The following PLEKHA5 variants were observed in gnomAD, a reference collection of about 807,000 sequenced individuals.
PLEKHA5 encodes pleckstrin homology domain containing A5.
A neutral mutation model predicts 181.9 loss-of-function variants in PLEKHA5; 55 were observed. The ratio of observed to expected loss-of-function variants is 0.30; its 90% confidence interval spans 0.24 to 0.38. PLEKHA5 has a LOEUF of 0.38. Among genes scored for constraint, PLEKHA5 ranks in the 10% least tolerant of loss-of-function variants. The pLI is 1.00. For synonymous variants in PLEKHA5, 535 were observed against 529.4 expected (o/e 1.01, Z -0.15); for missense variants, 1,432 against 1,549.5 (o/e 0.92, Z 1.27).
intron 20 of PLEKHA5, among the ~76,000 whole-genome samples, chr12:19,331,383 T>C (rs567390706): frequency 2.0e-5 from 3 of 152,284 alleles, no homozygotes; most frequent in African/African-American, 7.2e-5. Context: ...TAGAATTTTT[T>C]TGTAGAGATG....
chr12:19,324,802 G>C lies in PLEKHA5; in HGVS notation c.2448+2135G>C, dbSNP rs2091722101. On this transcript the variant is annotated intron_variant, in intron 20 of 31. Coordinates refer to ENST00000429027, the MANE Select transcript of PLEKHA5 (RefSeq NM_001256470.2). ...TGACTGGGATAGAGGATTCCTGTGA[G>C]AGGATAGAAAATGTGAGATTAGAAA... Among the ~76,000 whole-genome samples the C allele has an allele frequency of 2.0e-5, 3 of 152,216 alleles. No homozygotes were observed. In the South Asian group the frequency reaches 6.2e-4, roughly 31 times the overall value.
At position 19,359,550 on chromosome 12, in the gene PLEKHA5, G is replaced by T; in HGVS notation, c.3483+4G>T. 6.2e-7 allele frequency: 1 copy of T among 1,613,202 alleles called. No homozygotes were observed. The highest frequency in any genetic ancestry group is 8.5e-7 in the Non-Finnish European group (1 of 1,179,440). ...AAATGTGGACTTCAGCAAAGAGGTAGCGAGATTATTTTATGAAAGGTATTC... is the reference window on the plus strand; with the variant it reads ...AAATGTGGACTTCAGCAAAGAGGTATCGAGATTATTTTATGAAAGGTATTC... On this transcript the variant is annotated splice_donor_region_variant and intron_variant, in intron 28 of 31. Transcript: ENST00000429027.
Position 19,358,219 on chromosome 12 carries a change from A to ATG in PLEKHA5, c.3139-9_3139-8insTG. On this transcript the variant is annotated splice_polypyrimidine_tract_variant and intron_variant, in intron 26 of 31. Transcript: ENST00000429027. ...TTTATGTATTGATATGTTCATTTTT[A>ATG]CATTGAAGGAAAGACCAAGAAGTGC... is the stretch of plus-strand genomic sequence containing the variant. The ATG allele has an allele frequency of 1.3e-6, 2 of 1,593,906 alleles. No homozygotes were observed. The highest frequency in any genetic ancestry group is 1.7e-6 in the Non-Finnish European group (2 of 1,163,166).
chr12:19,333,379 A>G (rs1382156914), intron 20 of PLEKHA5, among the ~76,000 whole-genome samples: 1 of 151,714 alleles, frequency 6.6e-6, no homozygotes, highest in Non-Finnish European at 1.5e-5. Context: ...GGAGATTAAG[A>G]CCATCCTGGC....
In PLEKHA5 at chr12:19,314,844, G is replaced by A. The variant is rs996049829; in HGVS notation, c.2068G>A (p.Val690Ile). 1.3e-6 allele frequency: 2 copies of A among 1,548,058 alleles called. No homozygotes were observed. The highest frequency in any genetic ancestry group is 3.9e-5 in the Admixed American group (2 of 50,946). Residue 690 changes from valine (V) to isoleucine (I), a missense_variant, in exon 16 of 32, where the codon GTT becomes ATT. By Grantham distance (29) the Val-to-Ile change is conservative. Around this residue, in one of 2 missense-constraint regions of PLEKHA5, gnomAD observed 1,143 missense variants for 1,168.4 expected, o/e 0.98. Transcript: ENST00000429027. Reference sequence around the variant, plus strand: ...AGAAAATGAACCTATTATCACCATGGTTCACACAATGATTGAGAACTCGGC... The same window carrying A: ...AGAAAATGAACCTATTATCACCATGATTCACACAATGATTGAGAACTCGGC... ...MKENEPIITMVHTMIENSALR... is the reference protein window; with the variant it reads ...MKENEPIITMIHTMIENSALR...
At chr12:19,188,085 G>GA (rs1405584453) in intron 3 of PLEKHA5, among the ~76,000 whole-genome samples, 2 of 152,122 alleles carry the variant, frequency 1.3e-5, no homozygotes, top group Non-Finnish European at 2.9e-5. Context: ...AGGTCATTAT[G>GA]AAAAATAGAA....
At chr12:19,305,232 T>C (rs1053674400) in intron 15 of PLEKHA5, among the ~76,000 whole-genome samples, 12 of 152,142 alleles carry the variant, frequency 7.9e-5, no homozygotes, top group Admixed American at 6.5e-4. Flanking sequence ...TAATTACATA[T>C]AATTCAGTGG....
At position 19,269,868 on chromosome 12, in the gene PLEKHA5, G is replaced by T. The variant is rs1381261402; in HGVS notation, c.810G>T (p.Gln270His). The T allele has an allele frequency of 1.3e-6, 2 of 1,572,356 alleles. No individual in the cohort carries two copies. The highest frequency in any genetic ancestry group is 2.2e-5 in the East Asian group (1 of 44,620). ...CCATGTTAGATGCTGCCCTAGTACA[G>T]ACAGAACCTGTGAAAAGGTAAAGGC... ...MKAMLDAALV[Q>H]TEPVKRITFN... The change falls in exon 9 of 32, where the codon CAG becomes CAT. Residue 270 changes from glutamine (Q) to histidine (H), a missense_variant. Transcript: ENST00000429027.
chr12:19,138,950 G>A (rs76480901), intron 3 of PLEKHA5, among the ~76,000 whole-genome samples: 5,552 of 152,200 alleles, frequency 0.036, 235 homozygotes, highest in East Asian at 0.2. Context: ...TTTTAGTATA[G>A]CGTTAATTAT....
intron 15 of PLEKHA5, among the ~76,000 whole-genome samples, chr12:19,291,976 C>T (rs2152849965): frequency 6.6e-6 from 1 of 152,306 alleles, no homozygotes; most frequent in East Asian, 1.9e-4. Flanking sequence ...CATTAAAACA[C>T]CTACTCCTTG....
At chr12:19,150,731 G>A (rs1172663108) in intron 3 of PLEKHA5, 1 of 152,202 alleles carries the variant, frequency 6.6e-6, no homozygotes, top group Non-Finnish European at 1.5e-5. Flanking sequence ...GACACTTGTT[G>A]GGTATTTATG....
chr12:19,163,290 C>T (rs1386884548), intron 3 of PLEKHA5, among the ~76,000 whole-genome samples: 1 of 152,020 alleles, frequency 6.6e-6, no homozygotes, highest in East Asian at 1.9e-4. Context: ...CATTCTCCTG[C>T]CTCAGCCTCC....
intron 3 of PLEKHA5, among the ~76,000 whole-genome samples, chr12:19,222,060 C>A (rs1047177787): frequency 1.8e-4 from 28 of 152,136 alleles, no homozygotes; most frequent in African/African-American, 6.5e-4. Flanking sequence ...GAATTTGAGA[C>A]CAGCCTGACA....
intron 15 of PLEKHA5, among the ~76,000 whole-genome samples, chr12:19,308,975 T>C (rs1241146348): frequency 6.6e-6 from 1 of 151,284 alleles, no homozygotes; most frequent in Non-Finnish European, 1.5e-5. Flanking sequence ...GGCAGGAGAA[T>C]CACTTGAACC....
At chr12:19,318,037 C>T (rs138366991) in intron 16 of PLEKHA5, among the ~76,000 whole-genome samples, 29 of 125,482 alleles carry the variant, frequency 2.3e-4, no homozygotes, top group African/African-American at 7.7e-4. Flanking sequence ...TCTTTTTTTT[C>T]GGTAGGGCCA....
In PLEKHA5 at chr12:19,176,132, A is replaced by G. The variant is rs551931529; in HGVS notation, c.227+43682A>G. Among the ~76,000 whole-genome samples the G allele has an allele frequency of 3.9e-5, 6 of 152,134 alleles. No individual in the cohort carries two copies. In the South Asian group the frequency reaches 1.2e-3, roughly 32 times the overall value. ...TTATTTTATTAAACCATGAGATAAC[A>G]AGATACAATGTTGTATAGCTTTGGA... is the stretch of plus-strand genomic sequence containing the variant. On this transcript the variant is annotated intron_variant, in intron 3 of 31. Coordinates refer to ENST00000429027, the MANE Select transcript of PLEKHA5 (RefSeq NM_001256470.2).
chr12:19,357,089 T>C (rs1306514085), intron 26 of PLEKHA5, among the ~76,000 whole-genome samples: 1 of 152,100 alleles, frequency 6.6e-6, no homozygotes, highest in Non-Finnish European at 1.5e-5. Flanking sequence ...AAACATTACG[T>C]TTTCATCAAA....
intron 3 of PLEKHA5, among the ~76,000 whole-genome samples, chr12:19,214,733 A>G (rs1193223895): frequency 6.6e-6 from 1 of 152,200 alleles, no homozygotes; most frequent in East Asian, 1.9e-4. Context: ...TAGCTGCTAA[A>G]GGGAGAATGA....
At chr12:19,363,719 T>G (rs1342727889) in intron 29 of PLEKHA5, among the ~76,000 whole-genome samples, 1 of 152,130 alleles carries the variant, frequency 6.6e-6, no homozygotes, top group Non-Finnish European at 1.5e-5. Context: ...CTCAAATTCC[T>G]GACCTCAGGT....
Sources: gnomAD v4.1 joint callset for allele counts (sites outside exome capture counted in the v4.1 genomes callset) on GRCh38, gnomAD v4.1.1 for gene constraint, gnomAD v4.1.1 regional missense constraint, MANE v1.5 for transcripts, NCBI Gene and HGNC (gene_info 2026-07-23, HGNC 2026-07-21) for gene names.